DNAH5: variants seen among roughly 807,000 people sequenced by gnomAD.
DNAH5 encodes dynein axonemal heavy chain 5.
A neutral mutation model predicts 518.2 loss-of-function variants in DNAH5; 372 were observed. The ratio of observed to expected loss-of-function variants is 0.72; its 90% CI spans 0.66 to 0.78. The LOEUF (loss-of-function observed/expected upper bound fraction) is 0.78, where lower values mean the gene tolerates loss of function less well. Ranked by LOEUF, DNAH5 falls within the 30% of genes least tolerant of loss-of-function variation. DNAH5 has a pLI of 0.00. For synonymous variants in DNAH5, 2,039 were observed against 2,025.9 expected (o/e 1.01, Z -0.17); for missense variants, 5,523 against 5,687.0 (o/e 0.97, Z 0.93).
chr5:13,986,250 A>AG (rs1451860760), intron 1 of DNAH5, among the ~76,000 whole-genome samples: 3 of 152,232 alleles, frequency 2.0e-5, no homozygotes, highest in Non-Finnish European at 4.4e-5. Context: ...GCTTCCCAGC[A>AG]GCCCAGGGGT....
chr5:13,745,767 T>C (rs912204675), intron 65 of DNAH5, among the ~76,000 whole-genome samples: 2 of 152,090 alleles, frequency 1.3e-5, no homozygotes, highest in Non-Finnish European at 1.5e-5. Context: ...CAACTTCCTA[T>C]TCTGTTTGGG....
chr5:13,716,472 C>T lies in DNAH5; in HGVS notation c.12909+15G>A, dbSNP rs1048170874. 4 of 1,599,974 alleles carry T rather than the reference C, an allele frequency of 2.5e-6. No homozygotes were observed. ...AGATATTTGCTCTATGCATAAAATT[C>T]TGAAGTTGACAAACCTGGATATACT... On this transcript the variant is annotated intron_variant, in intron 74 of 78. Coordinates refer to ENST00000265104, the MANE Select transcript of DNAH5 (RefSeq NM_001369.3).
rs1305797678 is a variant in DNAH5 at position 13,769,583 on chromosome 5, GC to G, written c.9637del (p.Ala3213LeufsTer8). The stretch of plus-strand genomic sequence containing the variant: ...ACTCAAGGCTGCAACAGACTCTGAA[GC>G]TTCTTTGAGCTTTTCCAATCCAGTA... ...MNTGLEKLKE[A>X]SESVAALSKE... is the part of the protein sequence containing the mutation. On this transcript the variant is annotated frameshift_variant, in exon 57 of 79. Transcript: ENST00000265104. LOFTEE classifies it high-confidence loss of function. 4.3e-6 allele frequency: 7 copies of G among 1,614,040 alleles called. No individual in the cohort carries two copies. Among genetic ancestry groups the G allele is most frequent in the Non-Finnish European group, 5.9e-6 (7 of 1,179,934 alleles).
chr5:13,973,691 T>C (rs1782030012), intron 1 of DNAH5, among the ~76,000 whole-genome samples: 1 of 149,228 alleles, frequency 6.7e-6, no homozygotes, highest in Admixed American at 6.7e-5. Context: ...ATTGTGCAAG[T>C]TGTCAGAATC....
chr5:13,807,655 T>C lies in DNAH5; in HGVS notation c.7823A>G (p.Asp2608Gly), dbSNP rs189971831. 2 of 1,612,226 alleles carry C rather than the reference T, an allele frequency of 1.2e-6. No individual in the cohort carries two copies. The highest frequency in any genetic ancestry group is 2.7e-5 in the African/African-American group (2 of 74,962). ...VIIKGFMSKY[D>G]PECHMIKSLN... is the part of the protein sequence containing the mutation. Reference sequence around the variant, plus strand: ...ACTCTTGATCATGTGACATTCAGGATCATATTTTGACATAAATCCTTTAAT... The same window carrying C: ...ACTCTTGATCATGTGACATTCAGGACCATATTTTGACATAAATCCTTTAAT... Residue 2608 changes from aspartate to glycine, a missense_variant, in exon 47 of 79, where the codon GAT becomes GGT. Asp to Gly is a moderately conservative substitution (Grantham distance 94). Coordinates refer to ENST00000265104, the MANE Select transcript of DNAH5 (RefSeq NM_001369.3).
chr5:13,735,692 C>T, intron 67 of DNAH5, 126 bp downstream of exon 67: 1 of 840,776 alleles, frequency 1.2e-6, no homozygotes, highest in Non-Finnish European at 2.0e-6. Context: ...TTGGTAATTA[C>T]ACTGATCTGA....
Position 13,841,052 on chromosome 5 carries a change from T to A in DNAH5, c.5563A>T (p.Ile1855Phe). 1.9e-6 allele frequency: 3 copies of A among 1,614,084 alleles called. No individual in the cohort carries two copies. Among genetic ancestry groups the A allele is most frequent in the Non-Finnish European group, 2.5e-6 (3 of 1,179,970 alleles). Residue 1855 changes from isoleucine to phenylalanine, a missense_variant, in exon 34 of 79, where the codon ATC becomes TTC. Around this residue, in one of 3 missense-constraint regions of DNAH5, gnomAD observed 5,121 missense variants for 5,223.3 expected, o/e 0.98. Transcript: ENST00000265104. ...AAAGCCTGATTAGTTTTCTGCATGA[T>A]TTTTTTATCAAACTTGGCATTTCTA... is the stretch of plus-strand genomic sequence containing the variant. ...ALRNAKFDKK[I>F]MQKTNQAFLE...
At chr5:13,991,269 C>T (rs1284451779) in intron 1 of DNAH5, among the ~76,000 whole-genome samples, 1 of 152,126 alleles carries the variant, frequency 6.6e-6, no homozygotes, top group African/African-American at 2.4e-5. Flanking sequence ...CCTTCAAGAC[C>T]AGAGAGCTGA....
chr5:13,811,999 T>G (rs995218226), intron 43 of DNAH5, among the ~76,000 whole-genome samples, 176 bp from the exon 44 acceptor site: 1 of 152,204 alleles, frequency 6.6e-6, no homozygotes, highest in Non-Finnish European at 1.5e-5. Flanking sequence ...CACTTAATCT[T>G]CAAAACAACC....
intron 1 of DNAH5, among the ~76,000 whole-genome samples, chr5:13,951,027 G>T (rs553499054): frequency 1.3e-5 from 2 of 151,980 alleles, no homozygotes; most frequent in African/African-American, 4.8e-5. Context: ...TTATTAATGT[G>T]ATGCTTCTTG....
intron 30 of DNAH5, among the ~76,000 whole-genome samples, chr5:13,853,788 T>C (rs1767222565): frequency 6.6e-6 from 1 of 151,612 alleles, no homozygotes; most frequent in South Asian, 2.1e-4. Context: ...TGAAGATCAA[T>C]GTAATGAAAT....
At position 13,928,075 on chromosome 5, in the gene DNAH5, T is replaced by G. The variant is rs1036382703; in HGVS notation, c.277+19A>C. 1.9e-6 allele frequency: 3 copies of G among 1,592,662 alleles called. No homozygotes were observed. Among genetic ancestry groups the G allele is most frequent in the Admixed American group, 3.3e-5 (2 of 59,966 alleles). On this transcript the variant is annotated intron_variant, in intron 3 of 78. Coordinates refer to ENST00000265104, the MANE Select transcript of DNAH5 (RefSeq NM_001369.3). ...TCTAATAACACATTTCTGGGTTATGTCACATCAAATTCAGATACCTGTTTC... is the reference window on the plus strand; with the variant it reads ...TCTAATAACACATTTCTGGGTTATGGCACATCAAATTCAGATACCTGTTTC...
At chr5:13,997,819 A>G (rs952940085) in intron 1 of DNAH5, among the ~76,000 whole-genome samples, 1 of 151,658 alleles carries the variant, frequency 6.6e-6, no homozygotes, top group Non-Finnish European at 1.5e-5. Flanking sequence ...TAATTTATAA[A>G]TAATAAAAAT....
chr5:13,821,465 T>C (rs1423539316), intron 40 of DNAH5, among the ~76,000 whole-genome samples: 1 of 152,218 alleles, frequency 6.6e-6, no homozygotes, highest in African/African-American at 2.4e-5. Flanking sequence ...GAAATCTTTA[T>C]AATAACATGA....
chr5:13,808,833 A>G (rs1335432537), intron 46 of DNAH5, among the ~76,000 whole-genome samples: 2 of 152,078 alleles, frequency 1.3e-5, no homozygotes, highest in African/African-American at 2.4e-5. Context: ...GGTGGTGGGC[A>G]CCTGTAGTCC....
Position 13,810,870 on chromosome 5 carries a change from A to G in DNAH5, c.7408-610T>C, listed in dbSNP as rs1475858671. Among the ~76,000 whole-genome samples, 11 of 152,212 alleles carry G rather than the reference A, an allele frequency of 7.2e-5. 1 individual carries two copies. The highest frequency in any genetic ancestry group is 7.2e-4 in the Admixed American group (11 of 15,282). On this transcript the variant is annotated intron_variant, in intron 44 of 78. Transcript: ENST00000265104. ...AGATGAATGGATAAAGAAAAGTGCT[A>G]CATACACACAAGGGAGTACTATTCA... is the stretch of plus-strand genomic sequence containing the variant.
intron 36 of DNAH5, 57 bp from the exon 37 acceptor site, chr5:13,830,270 A>G (rs1449988165): frequency 1.3e-6 from 2 of 1,492,184 alleles, no homozygotes; most frequent in Non-Finnish European, 1.9e-6. Context: ...GAAAACCAAG[A>G]AAAAGGATAT....
chr5:13,905,714 T>C lies in DNAH5; in HGVS notation c.1645-3576A>G, dbSNP rs549624277. Among the ~76,000 whole-genome samples the C allele has an allele frequency of 2.0e-5, 3 of 152,294 alleles. No individual in the cohort carries two copies. The East Asian group carries it at 5.8e-4, about 29-fold the overall frequency. The stretch of plus-strand genomic sequence containing the variant: ...ATGGCCATGTTGGAAGACAGTTTGA[T>C]GGATTCTTATAAAACTAAAAACACT... On this transcript the variant is annotated intron_variant, in intron 12 of 78. Transcript: ENST00000265104.
chr5:13,722,208 T>A (rs909099556), intron 70 of DNAH5, among the ~76,000 whole-genome samples: 3 of 152,172 alleles, frequency 2.0e-5, no homozygotes, highest in Non-Finnish European at 2.9e-5. Flanking sequence ...GAGCTTCCCT[T>A]GAATCAGACA....
Sources: gnomAD v4.1 joint callset for allele counts (sites outside exome capture counted in the v4.1 genomes callset) on GRCh38, gnomAD v4.1.1 for gene constraint, gnomAD v4.1.1 regional missense constraint, MANE v1.5 for transcripts, NCBI Gene and HGNC (gene_info 2026-07-23, HGNC 2026-07-21) for gene names.